Variants in FBRS observed in about 807,000 individuals in gnomAD.
FBRS encodes fibrosin.
FBRS carries 15 observed loss-of-function variants against 86.1 expected under a neutral mutation model. The observed-to-expected ratio is 0.17, with a 90% confidence interval of 0.12 to 0.27. The LOEUF is 0.27. Ranked by LOEUF, FBRS falls within the 10% of genes least tolerant of loss-of-function variation. FBRS has a pLI of 1.00. For synonymous variants in FBRS, 666 were observed against 575.8 expected (o/e 1.16, Z -2.24); for missense variants, 1,367 against 1,301.6 (o/e 1.05, Z -0.77).
chr16:30,667,074 A>C, intron 13 of FBRS, 84 bp downstream of exon 13: 1 of 1,372,536 alleles, frequency 7.3e-7, no homozygotes. Context: ...AACAGAGCTC[A>C]GCAGAATCTT....
chr16:30,666,001 A>C, intron 11 of FBRS: 1 of 445,978 alleles, frequency 2.2e-6, no homozygotes, highest in East Asian at 4.2e-5. Flanking sequence ...CATACCAGGA[A>C]GCCCTGTTCG....
At position 30,665,797 on chromosome 16, in the gene FBRS, C is replaced by G; in HGVS notation, c.1773+91C>G. 7.9e-7 allele frequency: 1 copy of G among 1,262,150 alleles called. No homozygotes were observed. Among genetic ancestry groups the G allele is most frequent in the Non-Finnish European group, 1.1e-6 (1 of 895,992 alleles). The allele number at this position is 1,262,150 out of a possible 1,614,324, so 78.2% of individuals were successfully genotyped here. A position where few individuals can be genotyped will look rare whatever the true frequency, so the allele number is the denominator to read the frequency against. On this transcript the variant is annotated intron_variant, in intron 11 of 17. Transcript: ENST00000356166. This position sits in a 1 kb window ranked among gnomAD's most constrained non-coding sequence, Gnocchi z 4.1. ...TGAGGAGAGTGAACTGCTGATTCCT[C>G]CCTTGAATTCACAATCGGGTGTTCC...
chr16:30,661,252 C>T, intron 3 of FBRS, 37 bp downstream of exon 3: 1 of 1,550,876 alleles, frequency 6.4e-7, no homozygotes, highest in Non-Finnish European at 8.7e-7. Flanking sequence ...CCTCCCTGCT[C>T]CACCCTGGGC....
chr16:30,660,046 A>G (rs2052438071), intron 1 of FBRS, 69 bp downstream of exon 1: 1 of 1,507,026 alleles, frequency 6.6e-7, no homozygotes, highest in East Asian at 2.6e-5. Flanking sequence ...CAGTGCCCCT[A>G]GTGGGTGGAG....
In FBRS at chr16:30,665,921, G is replaced by A; in HGVS notation, c.1773+215G>A. On this transcript the variant is annotated intron_variant, in intron 11 of 17. Transcript: ENST00000356166. The surrounding 1 kb of genome is among the most constrained non-coding windows in gnomAD (Gnocchi z 4.1). ...CTTGTCCCAGAAATAGGATGATTAG[G>A]ACAATGGTTTTTGTAGTGGTTTTCA... 1.9e-6 allele frequency: 1 copy of A among 537,484 alleles called. No individual in the cohort carries two copies. Among genetic ancestry groups the A allele is most frequent in the South Asian group, 2.6e-5 (1 of 37,948 alleles). 33.3% of individuals were successfully genotyped at this position (537,484 alleles called of 1,614,324 possible).
At position 30,670,242 on chromosome 16, in the gene FBRS, G is replaced by C. The variant is rs1270948320; in HGVS notation, c.*597G>C. 2 of 456,342 alleles carry C rather than the reference G, an allele frequency of 4.4e-6. No homozygotes were observed. The highest frequency in any genetic ancestry group is 8.8e-6 in the Non-Finnish European group (2 of 226,362). The allele number at this position is 456,342 out of a possible 1,614,324, so 28.3% of individuals were successfully genotyped here. ...CTGTGGGGAAAGGGGACTGCAGGGGGAAGAGCCGGGAAGGGACAGTCAGGC... is the reference window on the plus strand; with the variant it reads ...CTGTGGGGAAAGGGGACTGCAGGGGCAAGAGCCGGGAAGGGACAGTCAGGC... On this transcript the variant is annotated 3_prime_UTR_variant, in exon 18 of 18. Transcript: ENST00000356166.
chr16:30,659,435 C>G lies in FBRS; in HGVS notation c.-84C>G, dbSNP rs1465910116. The G allele has an allele frequency of 4.5e-6, 1 of 219,968 alleles. No individual in the cohort carries two copies. Among genetic ancestry groups the G allele is most frequent in the Non-Finnish European group, 8.9e-6 (1 of 112,788 alleles). 13.6% of individuals were successfully genotyped at this position (219,968 alleles called of 1,614,324 possible). The stretch of plus-strand genomic sequence containing the variant: ...GGCCCTCTCGTCACTGTGCAGCCGC[C>G]AGCGCCGCGCCTGCGACCCCGGGCC... On this transcript the variant is annotated 5_prime_UTR_variant, in exon 1 of 18. Transcript: ENST00000356166.
Position 30,670,035 on chromosome 16 carries a change from T to G in FBRS, c.*390T>G. 2.0e-6 allele frequency: 1 copy of G among 500,402 alleles called. No homozygotes were observed. The allele number at this position is 500,402 out of a possible 1,614,324, so 31.0% of individuals were successfully genotyped here. ...CGTTCACCTACCACCCAAGTCCTCATGCCCTCCGAGGGCTGGGGGAGGAGG... is the reference window on the plus strand; with the variant it reads ...CGTTCACCTACCACCCAAGTCCTCAGGCCCTCCGAGGGCTGGGGGAGGAGG... On this transcript the variant is annotated 3_prime_UTR_variant, in exon 18 of 18. Transcript: ENST00000356166.
rs181728700 is a variant in FBRS at position 30,670,803 on chromosome 16, C to G, written c.*1158C>G. On this transcript the variant is annotated 3_prime_UTR_variant, in exon 18 of 18. Transcript: ENST00000356166. The stretch of plus-strand genomic sequence containing the variant: ...AATATTTATATAAAAACGAGTGTTA[C>G]AATGAGACCCCCGGCTCCTCTTTGA... The G allele has an allele frequency of 1.1e-4, 17 of 156,842 alleles. No homozygotes were observed. Among genetic ancestry groups the G allele is most frequent in the Admixed American group, 3.8e-4 (6 of 15,956 alleles). The allele number at this position is 156,842 out of a possible 1,614,324, so 9.7% of individuals were successfully genotyped here. A position where few individuals can be genotyped will look rare whatever the true frequency, so the allele number is the denominator to read the frequency against.
In FBRS at chr16:30,670,412, C is replaced by T. The variant is rs1567549145; in HGVS notation, c.*767C>T. On this transcript the variant is annotated 3_prime_UTR_variant, in exon 18 of 18. Transcript: ENST00000356166. ...TGTTCCCGTTCACTCTGCCCCCACCCCCAAAGGCTCAGCCTCTAAATCTCA... is the reference window on the plus strand; with the variant it reads ...TGTTCCCGTTCACTCTGCCCCCACCTCCAAAGGCTCAGCCTCTAAATCTCA... The T allele has an allele frequency of 1.4e-5, 5 of 354,666 alleles. No homozygotes were observed. Among genetic ancestry groups the T allele is most frequent in the Non-Finnish European group, 2.8e-5 (5 of 180,940 alleles). 22.0% of individuals were successfully genotyped at this position (354,666 alleles called of 1,614,324 possible). A position where few individuals can be genotyped will look rare whatever the true frequency, so the allele number is the denominator to read the frequency against.
intron 11 of FBRS, chr16:30,666,107 A>G (rs2052519372): frequency 7.6e-6 from 3 of 396,850 alleles, no homozygotes; most frequent in Non-Finnish European, 1.4e-5. Flanking sequence ...GGGCTGCGGG[A>G]ACGTTGTGAA....
Position 30,665,668 on chromosome 16 carries a change from G to T in FBRS, c.1735G>T (p.Gly579Trp). The change falls in exon 11 of 18, where the codon GGG (glycine) becomes TGG (tryptophan). Residue 579 changes from glycine to tryptophan, a missense_variant. Coordinates refer to ENST00000356166, the MANE Select transcript of FBRS (RefSeq NM_001105079.3). This position sits in a 1 kb window ranked among gnomAD's most constrained non-coding sequence, Gnocchi z 4.1. ...STNPELPPRLGPVPSGLSQKG... is the reference protein window; with the variant it reads ...STNPELPPRLWPVPSGLSQKG... Reference sequence around the variant, plus strand: ...GAACCCTGAGCTGCCACCACGACTGGGGCCGGTGCCGAGCGGGCTCTCCCA... The same window carrying T: ...GAACCCTGAGCTGCCACCACGACTGTGGCCGGTGCCGAGCGGGCTCTCCCA... The T allele has an allele frequency of 6.3e-7, 1 of 1,592,370 alleles. No homozygotes were observed. The highest frequency in any genetic ancestry group is 2.3e-5 in the East Asian group (1 of 44,088).
rs1188395049 is a variant in FBRS, at chr16:30,669,013, C to T, written c.2366+34C>T. 3 of 1,562,368 alleles carry T rather than the reference C, an allele frequency of 1.9e-6. No homozygotes were observed. Among genetic ancestry groups the T allele is most frequent in the Non-Finnish European group, 2.6e-6 (3 of 1,154,162 alleles). On this transcript the variant is annotated intron_variant, in intron 17 of 17. Coordinates refer to ENST00000356166, the MANE Select transcript of FBRS (RefSeq NM_001105079.3). This position sits in a 1 kb window ranked among gnomAD's most constrained non-coding sequence, Gnocchi z 5.9. ...CCCACCCACCCTGCCCCTGCCCCAC[C>T]CTCAGCCCCTGCTGCCCCTGGAGAA...
In FBRS at chr16:30,668,984, G is replaced by GCCGGGCCCCC; in HGVS notation, c.2366+7_2366+8insGGGCCCCCCC. Reference sequence around the variant, plus strand: ...CACCAAGGAGGAGAAGGACAGGTGTGCCTCCCACCCACCCTGCCCCTGCCC... The same window carrying GCCGGGCCCCC: ...CACCAAGGAGGAGAAGGACAGGTGTGCCGGGCCCCCCCTCCCACCCACCCTGCCCCTGCCC... On this transcript the variant is annotated splice_donor_region_variant and intron_variant, in intron 17 of 17. Transcript: ENST00000356166. 6.4e-7 allele frequency: 1 copy of GCCGGGCCCCC among 1,563,860 alleles called. No homozygotes were observed. The highest frequency in any genetic ancestry group is 1.4e-5 in the African/African-American group (1 of 73,624).
chr16:30,659,306 G>A lies in FBRS; in HGVS notation c.-213G>A, dbSNP rs978332562. 5.4e-6 allele frequency: 1 copy of A among 184,706 alleles called. No individual in the cohort carries two copies. The highest frequency in any genetic ancestry group is 1.1e-5 in the Non-Finnish European group (1 of 89,932). The allele number at this position is 184,706 out of a possible 1,614,324, so 11.4% of individuals were successfully genotyped here. A position where few individuals can be genotyped will look rare whatever the true frequency, so the allele number is the denominator to read the frequency against. ...CGTCGCGGCCCCGCCGAGCCCGCAGGGGGGGCCCTCGGGCTTGTCGCCCCG... is the reference window on the plus strand; with the variant it reads ...CGTCGCGGCCCCGCCGAGCCCGCAGAGGGGGCCCTCGGGCTTGTCGCCCCG... On this transcript the variant is annotated 5_prime_UTR_variant, in exon 1 of 18. Coordinates refer to ENST00000356166, the MANE Select transcript of FBRS (RefSeq NM_001105079.3).
chr16:30,668,662 G>A lies in FBRS; in HGVS notation c.2158+19G>A. 6.3e-7 allele frequency: 1 copy of A among 1,592,984 alleles called. No individual in the cohort carries two copies. Among genetic ancestry groups the A allele is most frequent in the African/African-American group, 1.3e-5 (1 of 74,654 alleles). On this transcript the variant is annotated intron_variant, in intron 16 of 17. Transcript: ENST00000356166. ...ACATTCAGTGAGTGCGGGTGCGGTG[G>A]GGTGGGGGGGCTGCGGCCACAGGGT...
chr16:30,668,999 T>TGCCCCTGCCCCACCCTCA lies in FBRS; in HGVS notation c.2366+29_2367-44dup. On this transcript the variant is annotated intron_variant, in intron 17 of 17. Coordinates refer to ENST00000356166, the MANE Select transcript of FBRS (RefSeq NM_001105079.3). Reference sequence around the variant, plus strand: ...GGACAGGTGTGCCTCCCACCCACCCTGCCCCTGCCCCACCCTCAGCCCCTG... The same window carrying TGCCCCTGCCCCACCCTCA: ...GGACAGGTGTGCCTCCCACCCACCCTGCCCCTGCCCCACCCTCAGCCCCTGCCCCACCCTCAGCCCCTG... 1.6e-5 allele frequency: 5 copies of TGCCCCTGCCCCACCCTCA among 319,468 alleles called. No homozygotes were observed. Among genetic ancestry groups the TGCCCCTGCCCCACCCTCA allele is most frequent in the Non-Finnish European group, 2.5e-5 (5 of 197,112 alleles). 19.8% of individuals were successfully genotyped at this position (319,468 alleles called of 1,614,324 possible). A position where few individuals can be genotyped will look rare whatever the true frequency, so the allele number is the denominator to read the frequency against.
rs556993451 is a variant in FBRS, at chr16:30,665,231, C to T, written c.1609-75C>T. ...CCCTGGGGGGCTTTAGGGTGGAGGC[C>T]CGTGGACTGACGGGCAGGCTGGACT... On this transcript the variant is annotated intron_variant, in intron 9 of 17. Coordinates refer to ENST00000356166, the MANE Select transcript of FBRS (RefSeq NM_001105079.3). The surrounding 1 kb of genome is among the most constrained non-coding windows in gnomAD (Gnocchi z 4.1). 5.9e-5 allele frequency: 90 copies of T among 1,520,224 alleles called. No homozygotes were observed. The Admixed American group carries it at 1.8e-3, about 30-fold the overall frequency. The allele number at this position is 1,520,224 out of a possible 1,614,324, so 94.2% of individuals were successfully genotyped here.
chr16:30,662,377 G>A (rs2052471740), intron 4 of FBRS, 43 bp from the exon 5 acceptor site: 1 of 1,549,296 alleles, frequency 6.5e-7, no homozygotes, highest in South Asian at 1.2e-5. Context: ...TGGAGGCCTG[G>A]CCCACCCACA....
Sources: allele counts gnomAD v4.1 joint callset, GRCh38; gene constraint gnomAD v4.1.1; non-coding constraint Gnocchi (gnomAD v3.1); transcripts MANE v1.5; gene names NCBI Gene and HGNC (gene_info 2026-07-23, HGNC 2026-07-21).